The following MAGI2 variants were observed in gnomAD, a reference collection of about 807,000 sequenced individuals.
The protein encoded by MAGI2 is membrane-associated guanylate kinase, WW and PDZ domain-containing protein 2.
Under a neutral mutation model 133.3 loss-of-function variants are expected in MAGI2, and 35 were observed. That is an observed-to-expected ratio of 0.26 (90% CI 0.20 to 0.35). The LOEUF is 0.35. MAGI2 is among the 10% of genes least tolerant of loss of function. The probability of loss-of-function intolerance (pLI) is 1.00; values close to 1 mark genes in which losing one functional copy is unlikely to be tolerated. For synonymous variants in MAGI2, 729 were observed against 710.6 expected (o/e 1.03, Z -0.41); for missense variants, 1,636 against 1,863.4 (o/e 0.88, Z 2.25).
chr7:79,438,108 TA>T (rs576740079), intron 1 of MAGI2, among the ~76,000 whole-genome samples: 8 of 152,106 alleles, frequency 5.3e-5, no homozygotes, highest in Non-Finnish European at 1.0e-4. Flanking sequence ...GCTATTACTG[TA>T]AAAACAATAC....
chr7:79,352,262 G>A (rs771941476), intron 1 of MAGI2, among the ~76,000 whole-genome samples: 24 of 152,144 alleles, frequency 1.6e-4, no homozygotes, highest in Non-Finnish European at 2.6e-4. Context: ...TGGATGACTC[G>A]GAGAATGCAC....
intron 1 of MAGI2, among the ~76,000 whole-genome samples, chr7:79,346,467 G>T (rs1264256648): frequency 6.6e-6 from 1 of 151,848 alleles, no homozygotes; most frequent in Non-Finnish European, 1.5e-5. Context: ...GATTTATCCT[G>T]CTCATCAGCC....
At chr7:78,297,986 T>TAAAA (rs60034232) in intron 9 of MAGI2, among the ~76,000 whole-genome samples, 68,543 of 147,786 alleles carry the variant, frequency 0.46, 18,064 homozygotes, top group East Asian at 0.72. Context: ...AAAGTATAAT[T>TAAAA]AAAAAAAAAG....
At chr7:78,904,911 T>C (rs930031372) in intron 2 of MAGI2, among the ~76,000 whole-genome samples, 1 of 151,782 alleles carries the variant, frequency 6.6e-6, no homozygotes, top group Non-Finnish European at 1.5e-5. Context: ...AAAGCCTCTT[T>C]GCTTTTTTCC....
intron 18 of MAGI2, among the ~76,000 whole-genome samples, chr7:78,129,913 C>T (rs949928892): frequency 1.0e-5 from 1 of 95,982 alleles, no homozygotes; most frequent in Non-Finnish European, 1.9e-5. Flanking sequence ...CCAGCCTGGG[C>T]AACAAGAGGG....
At chr7:79,345,572 TTGAG>T (rs1841249509) in intron 1 of MAGI2, among the ~76,000 whole-genome samples, 1 of 152,066 alleles carries the variant, frequency 6.6e-6, no homozygotes, top group South Asian at 2.1e-4. Flanking sequence ...TGATGTTCTC[TTGAG>T]TGCAAAAAAT....
At chr7:78,065,247 T>C (rs1813695913) in intron 21 of MAGI2, among the ~76,000 whole-genome samples, 2 of 152,156 alleles carry the variant, frequency 1.3e-5, no homozygotes, top group African/African-American at 4.8e-5. Context: ...GAAACAAATT[T>C]AGTGACTTGC....
chr7:78,436,754 T>C (rs762412954), intron 6 of MAGI2, among the ~76,000 whole-genome samples: 12 of 152,128 alleles, frequency 7.9e-5, no homozygotes, highest in Non-Finnish European at 1.8e-4. Context: ...GCCTAAGACA[T>C]TCCCCTGATA....
intron 6 of MAGI2, among the ~76,000 whole-genome samples, chr7:78,466,374 C>T (rs961245519): frequency 4.6e-5 from 7 of 152,210 alleles, no homozygotes; most frequent in Non-Finnish European, 1.0e-4. Context: ...CAGGTGTGAA[C>T]ACAAGCTGGG....
chr7:78,357,452 A>C (rs1401446457), intron 7 of MAGI2, among the ~76,000 whole-genome samples: 1 of 152,222 alleles, frequency 6.6e-6, no homozygotes, highest in Non-Finnish European at 1.5e-5. Flanking sequence ...TTACTAAGCC[A>C]CACTAGCAAA....
At chr7:78,249,354 CT>C (rs1281388652) in intron 10 of MAGI2, among the ~76,000 whole-genome samples, 1 of 152,096 alleles carries the variant, frequency 6.6e-6, no homozygotes, top group Non-Finnish European at 1.5e-5. Flanking sequence ...AGTAATTCTA[CT>C]GGGTATATAT....
At chr7:78,929,868 C>A (rs1464823497) in intron 2 of MAGI2, among the ~76,000 whole-genome samples, 1 of 152,046 alleles carries the variant, frequency 6.6e-6, no homozygotes, top group Non-Finnish European at 1.5e-5. Flanking sequence ...GGCTAAGAAG[C>A]AAAATAGACC....
At chr7:79,073,054 A>AC (rs1311020516) in intron 1 of MAGI2, among the ~76,000 whole-genome samples, 5 of 152,174 alleles carry the variant, frequency 3.3e-5, no homozygotes, top group African/African-American at 7.2e-5. Context: ...AACAACAACA[A>AC]AAAAAACAAA....
chr7:78,714,421 G>T (rs1316246395), intron 2 of MAGI2, among the ~76,000 whole-genome samples: 1 of 152,178 alleles, frequency 6.6e-6, no homozygotes, highest in African/African-American at 2.4e-5. Context: ...CAGACAGCAA[G>T]AAAATGGTTT....
chr7:78,969,213 T>C (rs886360313), intron 2 of MAGI2, among the ~76,000 whole-genome samples: 7 of 151,088 alleles, frequency 4.6e-5, no homozygotes, highest in African/African-American at 1.7e-4. Context: ...AAGATTAGGG[T>C]AGGAGGGCCA....
At chr7:79,438,232 T>C (rs979688267) in intron 1 of MAGI2, among the ~76,000 whole-genome samples, 1 of 152,104 alleles carries the variant, frequency 6.6e-6, no homozygotes, top group South Asian at 2.1e-4. Flanking sequence ...AAACACATTA[T>C]ACGAGCCGGC....
intron 1 of MAGI2, among the ~76,000 whole-genome samples, chr7:79,304,280 T>A (rs1482695370): frequency 4.7e-5 from 7 of 150,414 alleles, no homozygotes; most frequent in African/African-American, 1.7e-4. Flanking sequence ...TATGTTAAAT[T>A]ATTCAAGGTA....
In MAGI2 at chr7:78,250,184, C is replaced by T. The variant is rs183475653; in HGVS notation, c.2047+5759G>A. On this transcript the variant is annotated intron_variant, in intron 10 of 21. Transcript: ENST00000354212. ...TACAACTGTAATGTACTCAACAGGA[C>T]CAAAATCATACAAAACATGTTCTCT... Among the ~76,000 whole-genome samples, 7 of 151,996 alleles carry T rather than the reference C, an allele frequency of 4.6e-5. No individual in the cohort carries two copies. The East Asian group carries it at 7.7e-4, about 17-fold the overall frequency.
intron 14 of MAGI2, among the ~76,000 whole-genome samples, chr7:78,171,467 G>A (rs750569909): frequency 1.3e-5 from 2 of 152,194 alleles, no homozygotes; most frequent in African/African-American, 2.4e-5. Context: ...GATTCTGCAG[G>A]TTTAACAAGC....
Sources: allele counts gnomAD v4.1 joint callset (sites outside exome capture counted in the v4.1 genomes callset), GRCh38; gene constraint gnomAD v4.1.1; transcripts MANE v1.5; gene names NCBI Gene and HGNC (gene_info 2026-07-23, HGNC 2026-07-21).